RANBP2: variants seen among roughly 807,000 people sequenced by gnomAD.
RANBP2 encodes E3 SUMO-protein ligase RanBP2.
Under a neutral mutation model 303.6 loss-of-function variants are expected in RANBP2, and 57 were observed. The ratio of observed to expected loss-of-function variants is 0.19; its 90% CI spans 0.15 to 0.23. The LOEUF is 0.23. Among genes scored for constraint, RANBP2 ranks in the 10% least tolerant of loss-of-function variants. The pLI, the probability that RANBP2 is intolerant of heterozygous loss-of-function variation, is 1.00. For missense variants in RANBP2, 3,138 were observed against 3,780.8 expected, an observed-to-expected ratio of 0.83 and a Z score of 4.46; for synonymous variants, 1,167 against 1,301.5, an observed-to-expected ratio of 0.90 and a Z score of 2.23.
the RANBP2 span, among the ~76,000 whole-genome samples, chr2:109,651,989 T>A: frequency 6.6e-6 from 1 of 152,220 alleles, no homozygotes. Flanking sequence ...TTACCCCTGC[T>A]GACAGCCCAA....
intron 28 of RANBP2, 125 bp from the exon 29 acceptor site, chr2:108,783,466 ATACTC>A (rs957619949): frequency 7.8e-6 from 5 of 644,470 alleles, no homozygotes; most frequent in African/African-American, 5.5e-5. Flanking sequence ...TTTTCAAACT[ATACTC>A]AGGAAAGCTG....
chr2:109,344,915 A>C, the RANBP2 span, among the ~76,000 whole-genome samples: 1 of 152,112 alleles, frequency 6.6e-6, no homozygotes, highest in Non-Finnish European at 1.5e-5. Context: ...ATCAGAGGGG[A>C]CATCACAGGC....
chr2:109,578,022 A>G, the RANBP2 span, among the ~76,000 whole-genome samples: 14 of 152,098 alleles, frequency 9.2e-5, no homozygotes, highest in Non-Finnish European at 1.8e-4. Flanking sequence ...TGTATTATCA[A>G]TGAGAAGTAT....
At chr2:109,614,928 C>G in the RANBP2 span, 2 of 1,503,658 alleles carry the variant, frequency 1.3e-6, no homozygotes, top group Non-Finnish European at 1.8e-6. Flanking sequence ...GCACTGGCCG[C>G]CCCTGAGCGC....
chr2:109,707,067 T>C, the RANBP2 span, among the ~76,000 whole-genome samples: 2 of 152,368 alleles, frequency 1.3e-5, no homozygotes, highest in South Asian at 4.1e-4. Context: ...TCTTACTCTA[T>C]TTTATTTTGA....
the RANBP2 span, among the ~76,000 whole-genome samples, chr2:109,348,791 C>T: frequency 5.9e-5 from 9 of 152,190 alleles, no homozygotes; most frequent in Admixed American, 6.5e-5. Flanking sequence ...TCTTGTGTCT[C>T]CTCCATCCCC....
At chr2:108,743,811 T>G (rs1044456972) in intron 7 of RANBP2, among the ~76,000 whole-genome samples, 1 of 152,246 alleles carries the variant, frequency 6.6e-6, no homozygotes, top group Non-Finnish European at 1.5e-5. Context: ...ATTGTTCCAC[T>G]TCAGCACAGA....
At chr2:109,103,647 G>C in the RANBP2 span, among the ~76,000 whole-genome samples, 1 of 152,146 alleles carries the variant, frequency 6.6e-6, no homozygotes, top group South Asian at 2.1e-4. Flanking sequence ...GAAATCTCTA[G>C]GTGAACTCCG....
chr2:109,380,004 G>T, the RANBP2 span, among the ~76,000 whole-genome samples: 4 of 152,062 alleles, frequency 2.6e-5, no homozygotes, highest in Non-Finnish European at 5.9e-5. Flanking sequence ...TTGGATTAAC[G>T]ACATAAAGAA....
rs1173826318 is a variant in RANBP2 at position 108,767,246 on chromosome 2, A to G, written c.6707A>G (p.Asp2236Gly). 13 of 1,612,062 alleles carry G rather than the reference A, an allele frequency of 8.1e-6. No individual in the cohort carries two copies. The South Asian group carries it at 1.4e-4, about 18-fold the overall frequency. Reference protein sequence around the residue: ...NYDLREDALDDSVSSSSVHAS... With the variant: ...NYDLREDALDGSVSSSSVHAS... ...GATTTAAGGGAAGATGCTTTGGATGATAGTGTCAGTAGTAGCTCAGTACAT... is the reference window on the plus strand; with the variant it reads ...GATTTAAGGGAAGATGCTTTGGATGGTAGTGTCAGTAGTAGCTCAGTACAT... The change falls in exon 20 of 29, where the codon GAT becomes GGT. Residue 2236 changes from aspartate to glycine, a missense_variant. This residue lies in a region of RANBP2 where 72 missense variants were observed against 86.8 expected (regional missense o/e 0.83). Transcript: ENST00000283195.
the RANBP2 span, among the ~76,000 whole-genome samples, chr2:109,630,863 C>T: frequency 6.6e-6 from 1 of 152,116 alleles, no homozygotes; most frequent in South Asian, 2.1e-4. Flanking sequence ...GTCAGGAGTT[C>T]GAGACCAGCC....
At chr2:109,420,353 T>G in the RANBP2 span, among the ~76,000 whole-genome samples, 28 of 151,342 alleles carry the variant, frequency 1.9e-4, no homozygotes, top group Non-Finnish European at 7.3e-5. Flanking sequence ...TACAGAAAGT[T>G]CTGTGAATGC....
chr2:109,471,607 G>T, the RANBP2 span, among the ~76,000 whole-genome samples: 3 of 152,188 alleles, frequency 2.0e-5, no homozygotes, highest in Admixed American at 2.0e-4. Context: ...GCTCATGTAG[G>T]CCCAGACACT....
At chr2:109,031,909 TC>T in the RANBP2 span, among the ~76,000 whole-genome samples, 19 of 125,454 alleles carry the variant, frequency 1.5e-4, no homozygotes, top group East Asian at 4.6e-3. Flanking sequence ...GCCACCTTCT[TC>T]CCCTCCCCCC....
chr2:109,684,957 T>G, the RANBP2 span, among the ~76,000 whole-genome samples: 1 of 152,128 alleles, frequency 6.6e-6, no homozygotes, highest in African/African-American at 2.4e-5. Flanking sequence ...CACTGCAGTC[T>G]GCATCTCCCA....
the RANBP2 span, among the ~76,000 whole-genome samples, chr2:108,796,800 G>C: frequency 6.6e-6 from 1 of 152,128 alleles, no homozygotes; most frequent in Admixed American, 6.5e-5. Context: ...GAGATGGAAT[G>C]GTGGTTACCA....
chr2:109,417,005 G>C, the RANBP2 span, among the ~76,000 whole-genome samples: 1 of 152,162 alleles, frequency 6.6e-6, no homozygotes, highest in African/African-American at 2.4e-5. Context: ...TGGGGGCCCA[G>C]GGCCAGTTCC....
At chr2:108,815,137 G>A in the RANBP2 span, among the ~76,000 whole-genome samples, 6 of 152,020 alleles carry the variant, frequency 3.9e-5, no homozygotes, top group African/African-American at 1.4e-4. Flanking sequence ...GGAAAAAAAT[G>A]TTCATATGTG....
At chr2:109,552,829 G>A in the RANBP2 span, 1 of 382,632 alleles carries the variant, frequency 2.6e-6, no homozygotes, top group East Asian at 4.9e-5. Context: ...AGCTGCTGCA[G>A]CTTCCAGTTC....
Sources: allele counts gnomAD v4.1 joint callset (sites outside exome capture counted in the v4.1 genomes callset), GRCh38; gene constraint gnomAD v4.1.1; regional missense constraint gnomAD v4.1.1; transcripts MANE v1.5; gene names NCBI Gene and HGNC (gene_info 2026-07-23, HGNC 2026-07-21).